TMC1: variants seen among roughly 807,000 people sequenced by gnomAD.
TMC1 encodes the protein transmembrane channel like 1.
A neutral mutation model predicts 105.8 loss-of-function variants in TMC1; 84 were observed. The ratio of observed to expected loss-of-function variants is 0.79; its 90% CI spans 0.67 to 0.95. TMC1 has a LOEUF of 0.95. TMC1 is among the 40% of genes least tolerant of loss of function. The pLI, the probability that TMC1 is intolerant of heterozygous loss-of-function variation, is 0.00. For missense variants in TMC1, 817 were observed against 914.1 expected, an observed-to-expected ratio of 0.89 and a Z score of 1.37; for synonymous variants, 315 against 311.5, an observed-to-expected ratio of 1.01 and a Z score of -0.12.
Position 72,789,300 on chromosome 9 carries a change from TG to T in TMC1, c.1209del (p.Trp403CysfsTer7). The T allele has an allele frequency of 1.2e-6, 2 of 1,613,948 alleles. No individual in the cohort carries two copies. Among genetic ancestry groups the T allele is most frequent in the Non-Finnish European group, 1.7e-6 (2 of 1,179,880 alleles). ...FAQQDPDTLG[W>X]WEKNEMNMVM... The stretch of plus-strand genomic sequence containing the variant: ...ACAGCAAGATCCTGACACCCTTGGG[TG>T]GTGGGAAAAAAATGAAGTTCGTCTC... On this transcript the variant is annotated frameshift_variant, in exon 15 of 24. Coordinates refer to ENST00000297784, the MANE Select transcript of TMC1 (RefSeq NM_138691.3). LOFTEE classifies it high-confidence loss of function.
intron 5 of TMC1, among the ~76,000 whole-genome samples, chr9:72,680,893 T>C (rs1377837620): frequency 6.6e-6 from 1 of 152,166 alleles, no homozygotes; most frequent in Non-Finnish European, 1.5e-5. Flanking sequence ...ATCCTCTTCT[T>C]TCAGTTCTTT....
intron 8 of TMC1, among the ~76,000 whole-genome samples, chr9:72,722,263 A>T (rs1282797338): frequency 3.3e-5 from 5 of 152,164 alleles, no homozygotes; most frequent in Admixed American, 1.3e-4. Context: ...TCTGTCTCTA[A>T]AACCTCAGGC....
At chr9:72,536,167 A>G (rs1403898369) in intron 1 of TMC1, among the ~76,000 whole-genome samples, 1 of 152,230 alleles carries the variant, frequency 6.6e-6, no homozygotes, top group Non-Finnish European at 1.5e-5. Context: ...CTGCGACTCA[A>G]GGCAACTTCT....
chr9:72,717,833 T>C (rs1302794691), intron 8 of TMC1, among the ~76,000 whole-genome samples: 2 of 152,228 alleles, frequency 1.3e-5, no homozygotes, highest in African/African-American at 4.8e-5. Flanking sequence ...TATTTGGATG[T>C]CTACATCTCC....
At chr9:72,798,683 G>A (rs1313165014) in intron 17 of TMC1, among the ~76,000 whole-genome samples, 1 of 152,062 alleles carries the variant, frequency 6.6e-6, no homozygotes, top group Non-Finnish European at 1.5e-5. Context: ...GGGTCTACTT[G>A]AGGGTGGAGG....
chr9:72,763,943 A>T (rs557803436), intron 12 of TMC1, among the ~76,000 whole-genome samples: 14 of 152,296 alleles, frequency 9.2e-5, no homozygotes, highest in African/African-American at 3.4e-4. Context: ...TAGGTTAGAG[A>T]CTAAGGTTGG....
At position 72,712,904 on chromosome 9, in the gene TMC1, G is replaced by A. The variant is rs558059639; in HGVS notation, c.362+12261G>A. On this transcript the variant is annotated intron_variant, in intron 8 of 23. Transcript: ENST00000297784. ...TTGCCCATTCAGTATGATATTGGCTGTGGATTTGTCATAAATAGCTCTTAT... is the reference window on the plus strand; with the variant it reads ...TTGCCCATTCAGTATGATATTGGCTATGGATTTGTCATAAATAGCTCTTAT... Among the ~76,000 whole-genome samples, 288 of 152,308 alleles carry A rather than the reference G, an allele frequency of 1.9e-3. 2 individuals carry two copies. Among genetic ancestry groups the A allele is most frequent in the African/African-American group, 6.0e-3 (250 of 41,566 alleles).
Position 72,805,492 on chromosome 9 carries a change from G to A in TMC1, c.1677G>A (p.Trp559Ter), listed in dbSNP as rs876657729. Residue 559 changes from tryptophan (W) to a stop codon, truncating the protein, a stop_gained, in exon 18 of 24, where the codon TGG (tryptophan) becomes TGA (stop). Coordinates refer to ENST00000297784, the MANE Select transcript of TMC1 (RefSeq NM_138691.3). LOFTEE classifies it high-confidence loss of function. ...GGTTTTGCAATTATTGCTGGTGCTG[G>A]GACTTGGAGTATGGATATGTAAGTA... is the stretch of plus-strand genomic sequence containing the variant. ...FVRFCNYCWC[W>*]DLEYGYPSYT... 2.5e-6 allele frequency: 4 copies of A among 1,613,054 alleles called. No homozygotes were observed. Among genetic ancestry groups the A allele is most frequent in the Non-Finnish European group, 3.4e-6 (4 of 1,179,702 alleles).
chr9:72,813,479 T>C (rs1260820978), intron 18 of TMC1, among the ~76,000 whole-genome samples: 1 of 152,172 alleles, frequency 6.6e-6, no homozygotes, highest in Admixed American at 6.5e-5. Context: ...CAATAACGTA[T>C]TTTTAGACTA....
intron 19 of TMC1, among the ~76,000 whole-genome samples, chr9:72,819,143 T>C (rs981543425): frequency 6.6e-6 from 1 of 152,182 alleles, no homozygotes; most frequent in African/African-American, 2.4e-5. Flanking sequence ...AGAACTTACC[T>C]TCACTTTAGA....
chr9:72,539,981 A>G (rs1056746101), intron 1 of TMC1, among the ~76,000 whole-genome samples: 13 of 152,194 alleles, frequency 8.5e-5, no homozygotes, highest in Non-Finnish European at 1.6e-4. Context: ...CTCCATGTGC[A>G]GAGATCACAT....
At chr9:72,770,506 C>T (rs919997793) in intron 12 of TMC1, among the ~76,000 whole-genome samples, 8 of 148,844 alleles carry the variant, frequency 5.4e-5, no homozygotes, top group Admixed American at 1.3e-4. Flanking sequence ...GCAACCTCCA[C>T]CTCCTGGGTT....
chr9:72,522,213 G>A (rs1235971220), intron 1 of TMC1, among the ~76,000 whole-genome samples: 1 of 150,470 alleles, frequency 6.6e-6, no homozygotes, highest in South Asian at 2.1e-4. Flanking sequence ...GCAGTGGCGC[G>A]ATCTCGGCTC....
At chr9:72,804,034 A>G (rs892858966) in intron 17 of TMC1, among the ~76,000 whole-genome samples, 1 of 152,260 alleles carries the variant, frequency 6.6e-6, no homozygotes, top group East Asian at 1.9e-4. Flanking sequence ...TATGTACACC[A>G]TAGAATACTA....
chr9:72,831,645 T>G (rs1329381547), intron 23 of TMC1, among the ~76,000 whole-genome samples: 8 of 152,092 alleles, frequency 5.3e-5, no homozygotes, highest in Non-Finnish European at 1.0e-4. Context: ...TGTCCAAGTG[T>G]TCTCATTGTT....
At chr9:72,637,627 G>A (rs1242724446) in intron 4 of TMC1, among the ~76,000 whole-genome samples, 1 of 152,136 alleles carries the variant, frequency 6.6e-6, no homozygotes, top group East Asian at 1.9e-4. Context: ...AGACCACAAA[G>A]ACAATCTCAT....
chr9:72,584,462 T>G (rs1391637520), intron 2 of TMC1, among the ~76,000 whole-genome samples: 1 of 152,074 alleles, frequency 6.6e-6, no homozygotes, highest in Non-Finnish European at 1.5e-5. Flanking sequence ...AAACAGGGTT[T>G]TGCCATGTTG....
intron 8 of TMC1, among the ~76,000 whole-genome samples, chr9:72,733,877 C>T (rs1171929134): frequency 1.3e-5 from 2 of 152,050 alleles, no homozygotes; most frequent in Non-Finnish European, 2.9e-5. Context: ...AGGTTGAGAA[C>T]TTTCCCTTAT....
In TMC1 at chr9:72,694,634, T is replaced by A; in HGVS notation, c.156T>A (p.Asp52Glu). The A allele has an allele frequency of 6.2e-7, 1 of 1,612,870 alleles. No homozygotes were observed. The highest frequency in any genetic ancestry group is 8.5e-7 in the Non-Finnish European group (1 of 1,179,468). ...GGACCAGAGATGTTATCAATGAGGA[T>A]GACCCAGAACCTGAACCAGAGGATG... Reference protein sequence around the residue: ...RKRTRDVINEDDPEPEPEDEE... With the variant: ...RKRTRDVINEEDPEPEPEDEE... The change falls in exon 7 of 24, where the codon GAT becomes GAA. Residue 52 changes from aspartate to glutamate, a missense_variant. Coordinates refer to ENST00000297784, the MANE Select transcript of TMC1 (RefSeq NM_138691.3).
Sources: gnomAD v4.1 joint callset for allele counts (sites outside exome capture counted in the v4.1 genomes callset) on GRCh38, gnomAD v4.1.1 for gene constraint, MANE v1.5 for transcripts, NCBI Gene and HGNC (gene_info 2026-07-23, HGNC 2026-07-21) for gene names.